The following TMEM132D variants were observed in gnomAD, a reference collection of about 807,000 sequenced individuals.
TMEM132D encodes the protein transmembrane protein 132D.
A neutral mutation model predicts 62.3 loss-of-function variants in TMEM132D; 21 were observed. That is an observed-to-expected ratio of 0.34 (90% CI 0.24 to 0.49). The LOEUF is 0.49. Ranked by LOEUF, TMEM132D falls within the 20% of genes least tolerant of loss-of-function variation. The probability of loss-of-function intolerance (pLI) is 0.99; values close to 1 mark genes in which losing one functional copy is unlikely to be tolerated. For synonymous variants in TMEM132D, 621 were observed against 575.6 expected (o/e 1.08, Z -1.13); for missense variants, 1,346 against 1,402.8 (o/e 0.96, Z 0.65).
chr12:129,685,922 G>A (rs1165408212), intron 2 of TMEM132D, among the ~76,000 whole-genome samples: 1 of 152,190 alleles, frequency 6.6e-6, no homozygotes, highest in Admixed American at 6.5e-5. Context: ...CTTACATAGG[G>A]CCTGTAGCTC....
At chr12:129,609,995 C>T (rs1247637277) in intron 2 of TMEM132D, among the ~76,000 whole-genome samples, 5 of 152,160 alleles carry the variant, frequency 3.3e-5, no homozygotes, top group Non-Finnish European at 7.4e-5. Flanking sequence ...GAAGGCTGGG[C>T]ACAGTGGCTC....
At chr12:129,725,764 A>G (rs1199468355) in intron 1 of TMEM132D, among the ~76,000 whole-genome samples, 4 of 152,264 alleles carry the variant, frequency 2.6e-5, no homozygotes, top group African/African-American at 7.2e-5. Flanking sequence ...ATCTGCACAG[A>G]AAAGTTAACA....
intron 5 of TMEM132D, among the ~76,000 whole-genome samples, chr12:129,209,319 A>G (rs1013728509): frequency 1.3e-5 from 2 of 152,188 alleles, no homozygotes; most frequent in Non-Finnish European, 2.9e-5. Flanking sequence ...CGGAGTCACC[A>G]GCCAGAGCAC....
intron 2 of TMEM132D, among the ~76,000 whole-genome samples, chr12:129,600,622 GA>G (rs1324388382): frequency 6.6e-6 from 1 of 152,322 alleles, no homozygotes; most frequent in East Asian, 1.9e-4. Context: ...ATGGGTTGCA[GA>G]ATGAATGCTG....
intron 3 of TMEM132D, among the ~76,000 whole-genome samples, chr12:129,405,526 A>T (rs937607614): frequency 6.6e-6 from 1 of 152,128 alleles, no homozygotes; most frequent in African/African-American, 2.4e-5. Flanking sequence ...GGTCCCCGAC[A>T]GAGGCATGGA....
At chr12:129,583,684 G>A (rs185706770) in intron 2 of TMEM132D, among the ~76,000 whole-genome samples, 13 of 152,132 alleles carry the variant, frequency 8.5e-5, no homozygotes, top group East Asian at 1.9e-4. Context: ...AAAGACCCGT[G>A]GGGGGTGAGC....
intron 3 of TMEM132D, among the ~76,000 whole-genome samples, chr12:129,351,951 A>G (rs933287405): frequency 6.6e-6 from 1 of 152,218 alleles, no homozygotes; most frequent in African/African-American, 2.4e-5. Context: ...ACTCCTATTC[A>G]GCCTGAAGAA....
chr12:129,155,341 T>G (rs1450220842), intron 5 of TMEM132D, among the ~76,000 whole-genome samples: 1 of 152,250 alleles, frequency 6.6e-6, no homozygotes, highest in Non-Finnish European at 1.5e-5. Flanking sequence ...TTTTATTTTC[T>G]TTACCTTTAA....
intron 1 of TMEM132D, among the ~76,000 whole-genome samples, chr12:129,747,177 T>TTTCCTTCTCCCTCCTCCCG (rs1555229142): frequency 2.3e-5 from 3 of 132,088 alleles, no homozygotes; most frequent in Non-Finnish European, 3.3e-5. Flanking sequence ...GTCCAATAGC[T>TTTCCTTCTCCCTCCTCCCG]CTCCTTCTCC....
intron 1 of TMEM132D, among the ~76,000 whole-genome samples, chr12:129,871,598 G>A (rs767873571): frequency 7.9e-5 from 12 of 152,098 alleles, no homozygotes; most frequent in Non-Finnish European, 1.6e-4. Context: ...AAGCAACTTA[G>A]GAAGTGTCTC....
chr12:129,571,476 G>A (rs1378593232), intron 2 of TMEM132D, among the ~76,000 whole-genome samples: 2 of 152,130 alleles, frequency 1.3e-5, no homozygotes, highest in Admixed American at 1.3e-4. Flanking sequence ...GGAGGCTGAG[G>A]TGGGAGAATG....
At chr12:129,641,970 G>A (rs11060480) in intron 2 of TMEM132D, among the ~76,000 whole-genome samples, 76,530 of 151,632 alleles carry the variant, frequency 0.5, 19,363 homozygotes, top group Middle Eastern at 0.62. Context: ...AATACAAACC[G>A]AACATGTCTC....
chr12:129,633,642 C>G (rs1325028859), intron 2 of TMEM132D, among the ~76,000 whole-genome samples: 1 of 152,146 alleles, frequency 6.6e-6, no homozygotes, highest in Non-Finnish European at 1.5e-5. Context: ...TGAATGGCAT[C>G]TCTCTTTCAT....
At chr12:129,270,414 T>A (rs1880823093) in intron 4 of TMEM132D, among the ~76,000 whole-genome samples, 1 of 152,200 alleles carries the variant, frequency 6.6e-6, no homozygotes, top group Non-Finnish European at 1.5e-5. Flanking sequence ...AGACAATTTA[T>A]TTGGGAGATG....
At chr12:129,143,477 G>T (rs1447109907) in intron 5 of TMEM132D, among the ~76,000 whole-genome samples, 3 of 152,178 alleles carry the variant, frequency 2.0e-5, no homozygotes. Flanking sequence ...CCCAGCATAT[G>T]CGGCAGGACT....
intron 1 of TMEM132D, among the ~76,000 whole-genome samples, chr12:129,890,175 G>C (rs796377166): frequency 6.6e-6 from 1 of 152,170 alleles, no homozygotes; most frequent in African/African-American, 2.4e-5. Context: ...TGGATGTGCA[G>C]GGATCTCTCA....
intron 1 of TMEM132D, among the ~76,000 whole-genome samples, chr12:129,752,345 T>C (rs1436199638): frequency 1.3e-5 from 2 of 152,198 alleles, no homozygotes; most frequent in South Asian, 2.1e-4. Flanking sequence ...AAATGTCTCT[T>C]TGTGAATACT....
intron 3 of TMEM132D, among the ~76,000 whole-genome samples, chr12:129,508,772 A>T (rs189594569): frequency 6.6e-6 from 1 of 152,236 alleles, no homozygotes; most frequent in Admixed American, 6.5e-5. Context: ...ATCACATATT[A>T]AAAAAATGAG....
At chr12:129,412,015 C>T (rs1184670338) in intron 3 of TMEM132D, among the ~76,000 whole-genome samples, 2 of 152,196 alleles carry the variant, frequency 1.3e-5, no homozygotes, top group Non-Finnish European at 2.9e-5. Context: ...TAATAATCCA[C>T]ATTTTTTATT....
Sources: allele counts gnomAD v4.1 joint callset (sites outside exome capture counted in the v4.1 genomes callset), GRCh38; gene constraint gnomAD v4.1.1; transcripts MANE v1.5; gene names NCBI Gene and HGNC (gene_info 2026-07-23, HGNC 2026-07-21).